The following GTF2I variants were observed in gnomAD, a reference collection of about 807,000 sequenced individuals.
GTF2I encodes the protein general transcription factor II-I.
GTF2I carries 12 observed loss-of-function variants against 67.6 expected under a neutral mutation model. That is an observed-to-expected ratio of 0.18 (90% CI 0.11 to 0.29). GTF2I has a LOEUF of 0.29. GTF2I is among the 10% of genes least tolerant of loss of function. GTF2I has a pLI of 1.00. For missense variants in GTF2I, 271 were observed against 580.1 expected (o/e 0.47, Z 5.47); for synonymous variants, 149 against 197.0 (o/e 0.76, Z 2.04).
chr7:74,698,389 CTTTTTTTTTTTT>C (rs67968753), intron 3 of GTF2I, among the ~76,000 whole-genome samples: 3 of 55,890 alleles, frequency 5.4e-5, no homozygotes, highest in African/African-American at 8.7e-5. Flanking sequence ...CGCACCTGGC[CTTTTTTTTTTTT>C]TTTTTTTTTT....
intron 12 of GTF2I, among the ~76,000 whole-genome samples, chr7:74,725,479 G>A (rs1554405465): frequency 6.6e-6 from 1 of 151,934 alleles, no homozygotes; most frequent in South Asian, 2.1e-4. Flanking sequence ...TTGAGGCCAG[G>A]AGTTCAAGAC....
At chr7:74,719,795 C>T (rs988740726) in intron 12 of GTF2I, among the ~76,000 whole-genome samples, 1 of 152,130 alleles carries the variant, frequency 6.6e-6, no homozygotes, top group Admixed American at 6.5e-5. Flanking sequence ...TGGTGCATGC[C>T]TGTAATCCCA....
At chr7:74,660,263 C>T (rs947448911) in intron 1 of GTF2I, among the ~76,000 whole-genome samples, 1 of 151,378 alleles carries the variant, frequency 6.6e-6, no homozygotes, top group Non-Finnish European at 1.5e-5. Context: ...GATCTTCGCT[C>T]ACTGCAACCT....
intron 1 of GTF2I, among the ~76,000 whole-genome samples, chr7:74,679,394 AC>A: frequency 6.6e-6 from 1 of 151,992 alleles, no homozygotes; most frequent in Admixed American, 6.6e-5. Flanking sequence ...TTTTTTTTTA[AC>A]CAAATGCCTT....
At position 74,734,433 on chromosome 7, in the gene GTF2I, G is replaced by GT. The variant is rs1291182091; in HGVS notation, c.1363+458dup. 1.2e-4 allele frequency among the ~76,000 whole-genome samples: 18 copies of GT among 150,812 alleles called. 1 individual carries two copies. Among genetic ancestry groups the GT allele is most frequent in the South Asian group, 4.2e-4 (2 of 4,732 alleles). ...GATGTATTTTGTTTTGTTTTGTTTT[G>GT]TTTTTTGAGAGGGAATCTTGCTCTG... On this transcript the variant is annotated intron_variant, in intron 16 of 34. Transcript: ENST00000573035.
intron 7 of GTF2I, among the ~76,000 whole-genome samples, chr7:74,705,790 C>G (rs995264010): frequency 1.3e-5 from 2 of 152,104 alleles, no homozygotes; most frequent in African/African-American, 4.8e-5. Context: ...TCTCGAACTC[C>G]TGACCTCGGG....
At chr7:74,687,824 ATTC>A (rs1562950373) in intron 1 of GTF2I, among the ~76,000 whole-genome samples, 1 of 152,142 alleles carries the variant, frequency 6.6e-6, no homozygotes, top group Admixed American at 6.6e-5. Context: ...TACAGTTACT[ATTC>A]TTGTTTCCAG....
At position 74,665,177 on chromosome 7, in the gene GTF2I, G is replaced by A. The variant is rs188938283; in HGVS notation, c.-6+7109G>A. ...GGCTGGTCTCGAACTCCTGACCTCAGGTGATCCACCCGCCTCGGCCTCCCA... is the reference window on the plus strand; with the variant it reads ...GGCTGGTCTCGAACTCCTGACCTCAAGTGATCCACCCGCCTCGGCCTCCCA... On this transcript the variant is annotated intron_variant, in intron 1 of 34. Coordinates refer to ENST00000573035, the MANE Select transcript of GTF2I (RefSeq NM_032999.4). Among the ~76,000 whole-genome samples the A allele has an allele frequency of 2.5e-3, 378 of 151,092 alleles. 1 individual carries two copies. Among genetic ancestry groups the A allele is most frequent in the Non-Finnish European group, 4.5e-3 (303 of 67,638 alleles).
chr7:74,673,969 G>A (rs1805682632), intron 1 of GTF2I, among the ~76,000 whole-genome samples: 3 of 151,518 alleles, frequency 2.0e-5, no homozygotes, highest in Admixed American at 6.6e-5. Flanking sequence ...GTGAGCCACC[G>A]CGCCTGGCAT....
In GTF2I at chr7:74,700,228, C is replaced by T. The variant is rs184243284; in HGVS notation, c.374-19C>T. 82 of 1,609,300 alleles carry T rather than the reference C, an allele frequency of 5.1e-5. No homozygotes were observed. Among genetic ancestry groups the T allele is most frequent in the African/African-American group, 3.9e-4 (29 of 74,908 alleles). On this transcript the variant is annotated intron_variant, in intron 4 of 34. Transcript: ENST00000573035. ...ATCTTACCATTGAATGATGTTCATC[C>T]GCTTTTCATCTGCCCCAGGGAAAGC...
intron 12 of GTF2I, among the ~76,000 whole-genome samples, chr7:74,719,363 C>T (rs1266807182): frequency 1.3e-5 from 2 of 152,144 alleles, no homozygotes; most frequent in Admixed American, 6.5e-5. Context: ...CAAGTCCCTG[C>T]CCCCTTCAAC....
chr7:74,705,141 C>CA, intron 6 of GTF2I, 23 bp from the exon 7 acceptor site: 1 of 1,477,410 alleles, frequency 6.8e-7, no homozygotes. Flanking sequence ...AAACTAACTC[C>CA]AATTTTTTTT....
At chr7:74,704,679 A>G (rs1396532743) in intron 6 of GTF2I, among the ~76,000 whole-genome samples, 1 of 151,980 alleles carries the variant, frequency 6.6e-6, no homozygotes. Flanking sequence ...GCAAGATCCA[A>G]TTTCTACAAA....
chr7:74,732,768 T>A (rs1794606564), intron 15 of GTF2I, 106 bp downstream of exon 15: 1 of 1,450,958 alleles, frequency 6.9e-7, no homozygotes, highest in South Asian at 1.5e-5. Flanking sequence ...GTGATGAAGT[T>A]TGAGTTATTT....
At chr7:74,701,100 G>A (rs1282295766) in intron 6 of GTF2I, among the ~76,000 whole-genome samples, 2 of 152,166 alleles carry the variant, frequency 1.3e-5, no homozygotes, top group Non-Finnish European at 2.9e-5. Flanking sequence ...GGATGTTATT[G>A]GAGGTTGGAT....
intron 1 of GTF2I, among the ~76,000 whole-genome samples, chr7:74,685,525 G>C (rs1210570186): frequency 6.6e-6 from 1 of 152,022 alleles, no homozygotes; most frequent in Non-Finnish European, 1.5e-5. Flanking sequence ...CGGGCGTGGT[G>C]GGAGGCCAAG....
chr7:74,720,446 C>T (rs587719198), intron 12 of GTF2I, among the ~76,000 whole-genome samples: 2 of 152,224 alleles, frequency 1.3e-5, no homozygotes, highest in Non-Finnish European at 2.9e-5. Context: ...TCTTTTCATA[C>T]TTCATGTGTT....
At chr7:74,737,214 T>A (rs1159442851) in intron 18 of GTF2I, among the ~76,000 whole-genome samples, 2 of 147,860 alleles carry the variant, frequency 1.4e-5, no homozygotes, top group Non-Finnish European at 3.0e-5. Flanking sequence ...AAAAAAAAAA[T>A]AGAAAAATGC....
At chr7:74,694,150 A>G (rs1220354973) in intron 3 of GTF2I, among the ~76,000 whole-genome samples, 1 of 152,238 alleles carries the variant, frequency 6.6e-6, no homozygotes, top group Admixed American at 6.5e-5. Context: ...TAGAAGATCA[A>G]ACCAGCCACA....
Sources: allele counts gnomAD v4.1 joint callset (sites outside exome capture counted in the v4.1 genomes callset), GRCh38; gene constraint gnomAD v4.1.1; transcripts MANE v1.5; gene names NCBI Gene and HGNC (gene_info 2026-07-23, HGNC 2026-07-21).